CACNA1C: variants seen among roughly 807,000 people sequenced by gnomAD.
CACNA1C encodes the protein voltage-dependent L-type calcium channel subunit alpha-1C.
In CACNA1C, 30 loss-of-function variants were observed where a neutral mutation model predicts 229.0. The observed-to-expected ratio is 0.13, with a 90% CI of 0.10 to 0.18. The LOEUF (loss-of-function observed/expected upper bound fraction) is 0.18. Among genes scored for constraint, CACNA1C ranks in the 10% least tolerant of loss-of-function variants. CACNA1C has a pLI of 1.00. For synonymous variants in CACNA1C, 1,114 were observed against 1,132.5 expected, an observed-to-expected ratio of 0.98 and a Z score of 0.33; for missense variants, 1,658 against 2,845.0, an observed-to-expected ratio of 0.58 and a Z score of 9.49.
chr12:2,280,148 CT>C (rs2090577525), intron 3 of CACNA1C, among the ~76,000 whole-genome samples: 1 of 152,008 alleles, frequency 6.6e-6, no homozygotes, highest in South Asian at 2.1e-4. Flanking sequence ...CCTCTTGATA[CT>C]TTGCTGTGCT....
intron 7 of CACNA1C, among the ~76,000 whole-genome samples, chr12:2,498,852 CCTG>C (rs2099752611): frequency 6.6e-6 from 1 of 152,228 alleles, no homozygotes; most frequent in Non-Finnish European, 1.5e-5. Flanking sequence ...CCAGTTGTCT[CCTG>C]CACAGGTCTT....
At position 2,690,979 on chromosome 12, in the gene CACNA1C, C is replaced by T. The variant is rs1216146146; in HGVS notation, c.6197C>T (p.Ala2066Val). 26 of 1,599,690 alleles carry T rather than the reference C, an allele frequency of 1.6e-5. No individual in the cohort carries two copies. Among genetic ancestry groups the T allele is most frequent in the Non-Finnish European group, 2.0e-5 (24 of 1,173,108 alleles). The stretch of plus-strand genomic sequence containing the variant: ...GTCACCACCCAGGAGCTGGCCGACG[C>T]CTGCGACATGACCATAGAGGAGATG... ...IEVTTQELAD[A>V]CDMTIEEMES... Residue 2066 changes from alanine to valine, a missense_variant, in exon 47 of 47, where the codon GCC (alanine) becomes GTC (valine). This residue lies in a region of CACNA1C where 590 missense variants were observed against 700.8 expected (regional missense o/e 0.84). Coordinates refer to ENST00000399655, the MANE Select transcript of CACNA1C (RefSeq NM_000719.7).
intron 15 of CACNA1C, 92 bp from the exon 16 acceptor site, chr12:2,584,411 G>T (rs1011805526): frequency 2.8e-5 from 23 of 829,130 alleles, no homozygotes; most frequent in Non-Finnish European, 4.3e-5. Context: ...CTGCTGAGGA[G>T]CTCTACCCTG....
In CACNA1C at chr12:2,152,724, G is replaced by A. The variant is rs777709480; in HGVS notation, c.477+32294G>A. 2.0e-5 allele frequency among the ~76,000 whole-genome samples: 3 copies of A among 152,184 alleles called. No homozygotes were observed. The highest frequency in any genetic ancestry group is 6.5e-5 in the Admixed American group (1 of 15,284). ...AAAAATAAAACAACAGATAGCACTT[G>A]GATAAGTTGGCCAAGTTCAAGTAAC... On this transcript the variant is annotated intron_variant, in intron 3 of 46. Transcript: ENST00000399655. The surrounding 1 kb of genome is among the most constrained non-coding windows in gnomAD (Gnocchi z 4.2).
intron 3 of CACNA1C, among the ~76,000 whole-genome samples, chr12:2,362,397 A>T (rs1376948811): frequency 1.3e-5 from 2 of 152,080 alleles, no homozygotes; most frequent in African/African-American, 4.8e-5. Flanking sequence ...GTGGCTCGGG[A>T]TACTTCCCTT....
At chr12:2,105,555 G>A (rs1034296450) in intron 1 of CACNA1C, among the ~76,000 whole-genome samples, 1 of 152,222 alleles carries the variant, frequency 6.6e-6, no homozygotes, top group Admixed American at 6.5e-5. Context: ...GGCGGCGGGC[G>A]CATCGGGAAA....
chr12:2,475,214 G>A (rs2099619077), intron 5 of CACNA1C, among the ~76,000 whole-genome samples: 1 of 152,040 alleles, frequency 6.6e-6, no homozygotes, highest in East Asian at 1.9e-4. Context: ...CAGGAGAATG[G>A]CGTGAACCCG....
intron 13 of CACNA1C, among the ~76,000 whole-genome samples, chr12:2,572,297 T>TTCC (rs144703116): frequency 0.6 from 66,799 of 111,274 alleles, 20,354 homozygotes; most frequent in East Asian, 0.71. Flanking sequence ...TTGATTATTA[T>TTCC]TCCTCCTCCT....
intron 3 of CACNA1C, among the ~76,000 whole-genome samples, chr12:2,170,434 A>G (rs2096430822): frequency 6.6e-6 from 1 of 152,216 alleles, no homozygotes; most frequent in East Asian, 1.9e-4. Flanking sequence ...AGGCTGTCCC[A>G]CCACTTCATG....
At chr12:2,427,947 C>T (rs2099048708) in intron 3 of CACNA1C, among the ~76,000 whole-genome samples, 1 of 152,148 alleles carries the variant, frequency 6.6e-6, no homozygotes, top group Non-Finnish European at 1.5e-5. Flanking sequence ...AAGTAAAATA[C>T]CATTGATTTT....
rs570337089 is a variant in CACNA1C at position 2,289,183 on chromosome 12, AGAC to A, written c.478-159792_478-159790del. On this transcript the variant is annotated intron_variant, in intron 3 of 46. Coordinates refer to ENST00000399655, the MANE Select transcript of CACNA1C (RefSeq NM_000719.7). ...TCTCTCCTGCAGTGTCAGGGGGTGC[AGAC>A]AGTACAGAGGGAGGGTATGAGAGTC... Among the ~76,000 whole-genome samples the A allele has an allele frequency of 4.0e-4, 61 of 152,336 alleles. No individual in the cohort carries two copies. In the South Asian group the frequency reaches 0.012, roughly 31 times the overall value.
At chr12:2,317,411 G>A (rs2095750820) in intron 3 of CACNA1C, among the ~76,000 whole-genome samples, 1 of 152,208 alleles carries the variant, frequency 6.6e-6, no homozygotes, top group Admixed American at 6.5e-5. Flanking sequence ...GACAAATTCT[G>A]CATGACTCTA....
At chr12:2,242,714 A>G (rs929279114) in intron 3 of CACNA1C, among the ~76,000 whole-genome samples, 4 of 152,216 alleles carry the variant, frequency 2.6e-5, no homozygotes, top group African/African-American at 9.6e-5. Context: ...AAGAACCTAA[A>G]GACTTGGGCC....
At position 2,148,616 on chromosome 12, in the gene CACNA1C, C is replaced by T. The variant is rs540264107; in HGVS notation, c.477+28186C>T. ...AGGCTGGAGGGCAGTGGCATGATCTCGGCTCACTGCAACCTCTGCCTCCTG... is the reference window on the plus strand; with the variant it reads ...AGGCTGGAGGGCAGTGGCATGATCTTGGCTCACTGCAACCTCTGCCTCCTG... On this transcript the variant is annotated intron_variant, in intron 3 of 46. Transcript: ENST00000399655. 4.6e-5 allele frequency among the ~76,000 whole-genome samples: 7 copies of T among 151,388 alleles called. 1 individual carries two copies. In the East Asian group the frequency reaches 7.7e-4, roughly 17 times the overall value.
chr12:2,169,760 A>T (rs1399580507), intron 3 of CACNA1C, among the ~76,000 whole-genome samples: 2 of 152,040 alleles, frequency 1.3e-5, no homozygotes, highest in African/African-American at 4.8e-5. Context: ...GCCTTTTCTG[A>T]GTGTGTCTCC....
intron 3 of CACNA1C, among the ~76,000 whole-genome samples, chr12:2,407,164 G>T (rs967389929): frequency 6.6e-6 from 1 of 152,218 alleles, no homozygotes; most frequent in Non-Finnish European, 1.5e-5. Flanking sequence ...GAATGTCCTG[G>T]CGCTCCCTTA....
At chr12:2,439,707 G>T (rs1055735815) in intron 3 of CACNA1C, among the ~76,000 whole-genome samples, 10 of 151,726 alleles carry the variant, frequency 6.6e-5, no homozygotes, top group African/African-American at 2.4e-4. Context: ...AGATAAGTTT[G>T]AGAAGGGTTT....
chr12:2,389,732 T>C (rs1383659368), intron 3 of CACNA1C, among the ~76,000 whole-genome samples: 1 of 152,158 alleles, frequency 6.6e-6, no homozygotes, highest in Non-Finnish European at 1.5e-5. Context: ...AGAAGAAGCC[T>C]CCTGTCACCA....
intron 3 of CACNA1C, among the ~76,000 whole-genome samples, chr12:2,179,842 C>T (rs951457363): frequency 3.9e-5 from 6 of 152,222 alleles, no homozygotes; most frequent in African/African-American, 1.4e-4. Flanking sequence ...TGCCTTCCTG[C>T]CTCCAAACCA....
Sources: gnomAD v4.1 joint callset for allele counts (sites outside exome capture counted in the v4.1 genomes callset) on GRCh38, gnomAD v4.1.1 for gene constraint, gnomAD v4.1.1 regional missense constraint, Gnocchi (gnomAD v3.1) non-coding constraint, MANE v1.5 for transcripts, NCBI Gene and HGNC (gene_info 2026-07-23, HGNC 2026-07-21) for gene names.